The following NCALD variants were observed in gnomAD, a reference collection of about 807,000 sequenced individuals.
The protein encoded by NCALD is neurocalcin delta, also known as neurocalcin-delta.
Under a neutral mutation model 18.6 loss-of-function variants are expected in NCALD, and 10 were observed. The ratio of observed to expected loss-of-function variants is 0.54; its 90% CI spans 0.33 to 0.91. NCALD has a LOEUF of 0.91. Ranked by LOEUF, NCALD falls within the 40% of genes least tolerant of loss-of-function variation. NCALD has a pLI of 0.03. For missense variants in NCALD, 184 were observed against 247.6 expected (o/e 0.74, Z 1.72); for synonymous variants, 88 against 87.4 (o/e 1.01, Z -0.04).
intron 4 of NCALD, among the ~76,000 whole-genome samples, chr8:101,830,767 G>C (rs1814149992): frequency 6.9e-6 from 1 of 145,926 alleles, no homozygotes; most frequent in South Asian, 2.2e-4. Flanking sequence ...TTTAGACGGA[G>C]TCTGGCTCTG....
chr8:101,715,511 C>T (rs1816034211), intron 2 of NCALD, among the ~76,000 whole-genome samples: 1 of 152,134 alleles, frequency 6.6e-6, no homozygotes, highest in Admixed American at 6.5e-5. Context: ...GCAAAAGAAA[C>T]TATCATCAGA....
At chr8:101,920,842 G>A (rs1233006866) in intron 2 of NCALD, among the ~76,000 whole-genome samples, 1 of 152,092 alleles carries the variant, frequency 6.6e-6, no homozygotes, top group African/African-American at 2.4e-5. Flanking sequence ...AATATACCAG[G>A]TAACAGACCT....
chr8:102,094,357 C>T (rs191506568), intron 1 of NCALD, among the ~76,000 whole-genome samples: 58 of 152,260 alleles, frequency 3.8e-4, no homozygotes, highest in Admixed American at 3.4e-3. Flanking sequence ...CGTGAACCTC[C>T]CAATAGCTCT....
intron 1 of NCALD, among the ~76,000 whole-genome samples, chr8:102,077,688 A>C (rs771871431): frequency 1.3e-5 from 2 of 152,070 alleles, no homozygotes; most frequent in Non-Finnish European, 2.9e-5. Flanking sequence ...CCCTTTAGCG[A>C]CTACTGATTG....
intron 2 of NCALD, among the ~76,000 whole-genome samples, chr8:101,951,604 G>A (rs1005266354): frequency 1.3e-5 from 2 of 152,178 alleles, no homozygotes; most frequent in African/African-American, 4.8e-5. Flanking sequence ...TCTGGAGCAG[G>A]TGATTCCTAA....
chr8:101,970,142 A>G (rs1820185627), intron 2 of NCALD, among the ~76,000 whole-genome samples: 1 of 152,186 alleles, frequency 6.6e-6, no homozygotes, highest in African/African-American at 2.4e-5. Flanking sequence ...TAACTTAGCT[A>G]TCACAGATCA....
intron 2 of NCALD, among the ~76,000 whole-genome samples, chr8:101,988,903 A>G (rs1820932646): frequency 3.7e-5 from 1 of 26,740 alleles, no homozygotes; most frequent in South Asian, 1.4e-3. Context: ...GTGCCAGCAG[A>G]AAAAAAAAAA....
intron 1 of NCALD, among the ~76,000 whole-genome samples, chr8:102,056,569 T>G (rs1563579849): frequency 6.6e-6 from 1 of 152,236 alleles, no homozygotes; most frequent in Non-Finnish European, 1.5e-5. Flanking sequence ...CTGGTCATGG[T>G]GAGGAGGCCA....
intron 1 of NCALD, among the ~76,000 whole-genome samples, chr8:102,059,949 G>A (rs1269694): frequency 0.55 from 83,162 of 151,944 alleles, 23,113 homozygotes; most frequent in African/African-American, 0.62. Flanking sequence ...GAGTACGGCC[G>A]TGAAGTTTTT....
At chr8:102,000,072 G>A (rs370460730) in intron 2 of NCALD, among the ~76,000 whole-genome samples, 6 of 152,330 alleles carry the variant, frequency 3.9e-5, no homozygotes, top group South Asian at 4.1e-4. Flanking sequence ...AGCGTGAGCC[G>A]AAGCAGGGCG....
chr8:101,705,986 G>C (rs749691882), intron 2 of NCALD, among the ~76,000 whole-genome samples: 4 of 152,196 alleles, frequency 2.6e-5, no homozygotes, highest in Non-Finnish European at 5.9e-5. Context: ...TAATAATATA[G>C]ATTAGAAATG....
At chr8:101,950,020 G>A (rs899040881) in intron 2 of NCALD, among the ~76,000 whole-genome samples, 1 of 152,218 alleles carries the variant, frequency 6.6e-6, no homozygotes, top group Non-Finnish European at 1.5e-5. Context: ...AGCCGGAGCA[G>A]CTGAGAGGGA....
At chr8:101,946,565 A>G (rs1220006471) in intron 2 of NCALD, among the ~76,000 whole-genome samples, 1 of 152,144 alleles carries the variant, frequency 6.6e-6, no homozygotes, top group Non-Finnish European at 1.5e-5. Context: ...AAAGGATAAG[A>G]CATCATTTTC....
At chr8:101,854,351 G>T (rs1470091184) in intron 4 of NCALD, among the ~76,000 whole-genome samples, 1 of 152,040 alleles carries the variant, frequency 6.6e-6, no homozygotes, top group African/African-American at 2.4e-5. Context: ...CTTTCAAACT[G>T]GTTTTAATTT....
At chr8:101,814,619 G>GA (rs1194333425) in intron 4 of NCALD, among the ~76,000 whole-genome samples, 1 of 151,996 alleles carries the variant, frequency 6.6e-6, no homozygotes, top group Non-Finnish European at 1.5e-5. Flanking sequence ...ATACTGGAAT[G>GA]ACGCAATAAG....
chr8:101,786,934 C>A (rs900469296), intron 1 of NCALD, among the ~76,000 whole-genome samples: 17 of 152,092 alleles, frequency 1.1e-4, no homozygotes, highest in African/African-American at 4.1e-4. Flanking sequence ...ATGCAAAAAA[C>A]CCCCTAAAGT....
At position 101,691,125 on chromosome 8, in the gene NCALD, T is replaced by C. The variant is rs887085996; in HGVS notation, c.484+1666A>G. The C allele has an allele frequency of 9.1e-6, 9 of 985,204 alleles. No individual in the cohort carries two copies. In the African/African-American group the frequency reaches 1.2e-4, roughly 13 times the overall value. The allele number at this position is 985,204 out of a possible 1,614,324, so 61.0% of individuals were successfully genotyped here. A position where few individuals can be genotyped will look rare whatever the true frequency, so the allele number is the denominator to read the frequency against. ...TGCTCTCGGCAGGGAGGGGTGCAGG[T>C]GTCCTCAATCCTGGGGTCCAGCAGC... On this transcript the variant is annotated intron_variant, in intron 3 of 3. Coordinates refer to ENST00000220931, the MANE Select transcript of NCALD (RefSeq NM_032041.3).
intron 2 of NCALD, among the ~76,000 whole-genome samples, chr8:101,963,658 T>C (rs971077124): frequency 2.6e-5 from 4 of 152,156 alleles, no homozygotes; most frequent in African/African-American, 9.7e-5. Flanking sequence ...TATGAGCCAA[T>C]AAATATCCAA....
intron 1 of NCALD, among the ~76,000 whole-genome samples, chr8:102,100,263 T>A (rs1428848368): frequency 3.9e-5 from 6 of 152,214 alleles, no homozygotes; most frequent in Non-Finnish European, 4.4e-5. Flanking sequence ...TGCAAATTTC[T>A]TCCTCAAATA....
Sources: gnomAD v4.1 joint callset for allele counts (sites outside exome capture counted in the v4.1 genomes callset) on GRCh38, gnomAD v4.1.1 for gene constraint, MANE v1.5 for transcripts, NCBI Gene and HGNC (gene_info 2026-07-23, HGNC 2026-07-21) for gene names.